Variants in MSANTD2 observed in about 807,000 individuals in gnomAD.
MSANTD2 encodes Myb/SANT DNA binding domain containing 2.
Under a neutral mutation model 52.6 loss-of-function variants are expected in MSANTD2, and 19 were observed. That is an observed-to-expected ratio of 0.36 (90% CI 0.25 to 0.53). MSANTD2 has a LOEUF of 0.53. Ranked by LOEUF, MSANTD2 falls within the 20% of genes least tolerant of loss-of-function variation. The probability of loss-of-function intolerance (pLI) is 0.91; values close to 1 mark genes in which losing one functional copy is unlikely to be tolerated. For synonymous variants in MSANTD2, 291 were observed against 289.7 expected (o/e 1.00, Z -0.04); for missense variants, 558 against 716.3 (o/e 0.78, Z 2.52).
intron 1 of MSANTD2, chr11:124,775,799 A>C (rs1160520920): frequency 1.3e-5 from 2 of 152,272 alleles, no homozygotes; most frequent in Admixed American, 6.5e-5. Flanking sequence ...AATAAATATC[A>C]TTATGCAAAT....
chr11:124,799,565 C>T (rs892271469), intron 1 of MSANTD2, among the ~76,000 whole-genome samples: 1 of 152,212 alleles, frequency 6.6e-6, no homozygotes, highest in African/African-American at 2.4e-5. Flanking sequence ...GCGCCAGCGG[C>T]ACGGGGACTG....
chr11:124,798,580 A>C (rs893275514), intron 1 of MSANTD2, among the ~76,000 whole-genome samples: 1 of 152,194 alleles, frequency 6.6e-6, no homozygotes, highest in Non-Finnish European at 1.5e-5. Flanking sequence ...TTCCTTGAAC[A>C]ATAGTAGGTT....
intron 3 of MSANTD2, among the ~76,000 whole-genome samples, chr11:124,771,934 T>A (rs1272265276): frequency 6.6e-6 from 1 of 152,200 alleles, no homozygotes; most frequent in Non-Finnish European, 1.5e-5. Context: ...ATGGCGTTCC[T>A]TACTTTCCCC....
Position 124,800,356 on chromosome 11 carries a change from G to A in MSANTD2, c.25C>T (p.Leu9=). The A allele has an allele frequency of 1.3e-6, 2 of 1,542,206 alleles. No individual in the cohort carries two copies. Among genetic ancestry groups the A allele is most frequent in the East Asian group, 2.7e-5 (1 of 37,710 alleles). The change falls in exon 1 of 4, where the codon CTG becomes TTG. Residue 9 remains leucine, a synonymous_variant. Transcript: ENST00000374979. The surrounding 1 kb of genome is among the most constrained non-coding windows in gnomAD (Gnocchi z 4.3). MAAPCGSE[L]PANSPLKIPK... Reference sequence around the variant, plus strand: ...ATTTTTAGCGGCGAGTTGGCGGGCAGCTCCGAGCCACAGGGCGCAGCCATC... The same window carrying A: ...ATTTTTAGCGGCGAGTTGGCGGGCAACTCCGAGCCACAGGGCGCAGCCATC...
chr11:124,772,553 C>G (rs1282570312), intron 3 of MSANTD2, among the ~76,000 whole-genome samples: 1 of 151,892 alleles, frequency 6.6e-6, no homozygotes, highest in Non-Finnish European at 1.5e-5. Context: ...CTGGCTAACA[C>G]GATGAAACCC....
intron 1 of MSANTD2, 78 bp downstream of exon 1, chr11:124,799,793 C>T (rs1565473155): frequency 3.6e-6 from 4 of 1,112,022 alleles, no homozygotes; most frequent in Non-Finnish European, 5.0e-6. Flanking sequence ...GCCCTCAGAC[C>T]GGCCCCCGCC....
chr11:124,772,877 A>T (rs1944588778), intron 3 of MSANTD2, 117 bp downstream of exon 3: 3 of 699,456 alleles, frequency 4.3e-6, no homozygotes, highest in Non-Finnish European at 7.7e-6. Flanking sequence ...ATGAATAGAC[A>T]TGCCTCCTTG....
At chr11:124,797,060 C>A (rs1157497714) in intron 1 of MSANTD2, among the ~76,000 whole-genome samples, 2 of 152,226 alleles carry the variant, frequency 1.3e-5, no homozygotes, top group African/African-American at 4.8e-5. Flanking sequence ...CACACTAAAT[C>A]TCCTTAAATG....
chr11:124,773,354 G>C (rs1388095662), intron 2 of MSANTD2: 3 of 218,096 alleles, frequency 1.4e-5, no homozygotes, highest in Non-Finnish European at 2.7e-5. Flanking sequence ...AAAAGGACAA[G>C]AATAAAAATA....
intron 1 of MSANTD2, among the ~76,000 whole-genome samples, chr11:124,786,717 A>G (rs927379663): frequency 2.0e-5 from 3 of 152,216 alleles, no homozygotes; most frequent in African/African-American, 7.2e-5. Flanking sequence ...GAAACGATAA[A>G]TTATCTCCAA....
intron 1 of MSANTD2, among the ~76,000 whole-genome samples, chr11:124,782,953 G>C (rs1319739370): frequency 6.6e-6 from 1 of 152,144 alleles, no homozygotes; most frequent in African/African-American, 2.4e-5. Context: ...TATCATTCTT[G>C]TTGTTATACC....
intron 1 of MSANTD2, among the ~76,000 whole-genome samples, chr11:124,785,974 T>C (rs1011589472): frequency 2.6e-5 from 4 of 151,660 alleles, no homozygotes; most frequent in Non-Finnish European, 2.9e-5. Context: ...CTGAAAATTA[T>C]GGCAAGTCAC....
At chr11:124,781,928 C>A (rs1944990200) in intron 1 of MSANTD2, among the ~76,000 whole-genome samples, 1 of 152,202 alleles carries the variant, frequency 6.6e-6, no homozygotes, top group Non-Finnish European at 1.5e-5. Flanking sequence ...GCTGGGATTA[C>A]AGGCGTGAGC....
At chr11:124,789,099 C>T (rs1945254602) in intron 1 of MSANTD2, 1 of 151,948 alleles carries the variant, frequency 6.6e-6, no homozygotes, top group Non-Finnish European at 1.5e-5. Context: ...ATGGAAAATT[C>T]CTTAAGATGG....
intron 1 of MSANTD2, chr11:124,784,397 G>A: frequency 2.0e-6 from 2 of 985,214 alleles, no homozygotes; most frequent in Non-Finnish European, 2.4e-6. Flanking sequence ...GGCATAGCAG[G>A]GGAGAACCAG....
In MSANTD2 at chr11:124,800,307, G is replaced by C. The variant is rs769655756; in HGVS notation, c.74C>G (p.Pro25Arg). ...GTCGCTCAGGCCACCAGGAGAAGCC[G>C]GGGAAAGCACCTCCATCTTCGGAAT... ...LKIPKMEVLS[P>R]ASPGGLSDGN... Residue 25 changes from proline to arginine, a missense_variant, in exon 1 of 4, where the codon CCG becomes CGG. Around this residue, in one of 2 missense-constraint regions of MSANTD2, gnomAD observed 150 missense variants for 142.7 expected, o/e 1.05. Coordinates refer to ENST00000374979, the MANE Select transcript of MSANTD2 (RefSeq NM_001308027.2). This position sits in a 1 kb window ranked among gnomAD's most constrained non-coding sequence, Gnocchi z 4.3. The C allele has an allele frequency of 1.3e-5, 20 of 1,567,544 alleles. No homozygotes were observed. Among genetic ancestry groups the C allele is most frequent in the Non-Finnish European group, 1.7e-5 (20 of 1,159,500 alleles).
intron 2 of MSANTD2, among the ~76,000 whole-genome samples, chr11:124,773,563 C>G (rs1944624785): frequency 6.6e-6 from 1 of 152,196 alleles, no homozygotes; most frequent in Non-Finnish European, 1.5e-5. Context: ...TGATCGCTTA[C>G]CATCTACCCC....
intron 3 of MSANTD2, among the ~76,000 whole-genome samples, chr11:124,769,903 A>G (rs1294901092): frequency 6.6e-6 from 1 of 152,196 alleles, no homozygotes; most frequent in African/African-American, 2.4e-5. Context: ...GAGAGCTAAA[A>G]CCTGGAGGAG....
At chr11:124,771,524 C>G (rs898594767) in intron 3 of MSANTD2, among the ~76,000 whole-genome samples, 5 of 152,196 alleles carry the variant, frequency 3.3e-5, no homozygotes, top group Non-Finnish European at 7.3e-5. Context: ...AATCCCAACA[C>G]TTTGGGAGGC....
Sources: gnomAD v4.1 joint callset for allele counts (sites outside exome capture counted in the v4.1 genomes callset) on GRCh38, gnomAD v4.1.1 for gene constraint, gnomAD v4.1.1 regional missense constraint, Gnocchi (gnomAD v3.1) non-coding constraint, MANE v1.5 for transcripts, NCBI Gene and HGNC (gene_info 2026-07-23, HGNC 2026-07-21) for gene names.